TASP1: variants seen among roughly 807,000 people sequenced by gnomAD.
TASP1 encodes the protein taspase 1.
A neutral mutation model predicts 56.6 loss-of-function variants in TASP1; 16 were observed. The ratio of observed to expected loss-of-function variants is 0.28; its 90% CI spans 0.19 to 0.43. The LOEUF is 0.43. Among genes scored for constraint, TASP1 ranks in the 20% least tolerant of loss-of-function variants. The probability of loss-of-function intolerance (pLI) is 1.00; values close to 1 mark genes in which losing one functional copy is unlikely to be tolerated. For synonymous variants in TASP1, 179 were observed against 184.2 expected (o/e 0.97, Z 0.23); for missense variants, 393 against 511.6 (o/e 0.77, Z 2.24).
chr20:13,122,294 A>G, the TASP1 span, among the ~76,000 whole-genome samples: 17 of 152,366 alleles, frequency 1.1e-4, no homozygotes, highest in African/African-American at 3.6e-4. Flanking sequence ...TTGGAGACCA[A>G]TGTGACTCAA....
At chr20:13,130,303 C>T in the TASP1 span, among the ~76,000 whole-genome samples, 1 of 152,186 alleles carries the variant, frequency 6.6e-6, no homozygotes, top group Non-Finnish European at 1.5e-5. Context: ...CAAGAGCTGC[C>T]TTACAGGATC....
the TASP1 span, among the ~76,000 whole-genome samples, chr20:13,350,375 A>T: frequency 6.6e-6 from 1 of 152,230 alleles, no homozygotes. Flanking sequence ...TTTTGTACAC[A>T]TAGTAACACT....
At chr20:13,293,901 G>A in the TASP1 span, among the ~76,000 whole-genome samples, 1 of 151,956 alleles carries the variant, frequency 6.6e-6, no homozygotes, top group East Asian at 1.9e-4. Flanking sequence ...TGGAACCCAG[G>A]AGGTGGAGGT....
chr20:13,331,685 T>C, the TASP1 span, among the ~76,000 whole-genome samples: 1 of 151,314 alleles, frequency 6.6e-6, no homozygotes, highest in Non-Finnish European at 1.5e-5. Flanking sequence ...TTTTTTTTTT[T>C]TTTCTGTCAC....
At chr20:13,184,670 T>G in the TASP1 span, among the ~76,000 whole-genome samples, 2 of 152,228 alleles carry the variant, frequency 1.3e-5, no homozygotes, top group Non-Finnish European at 2.9e-5. Flanking sequence ...TGTGACATGC[T>G]TTGGCCAATA....
chr20:13,558,342 GAATAC>G (rs2046232293), intron 8 of TASP1, among the ~76,000 whole-genome samples: 1 of 152,002 alleles, frequency 6.6e-6, no homozygotes, highest in Non-Finnish European at 1.5e-5. Context: ...AAAAACGCCT[GAATAC>G]AATATGTATA....
At chr20:13,221,339 C>G in the TASP1 span, among the ~76,000 whole-genome samples, 2 of 148,246 alleles carry the variant, frequency 1.3e-5, no homozygotes, top group Non-Finnish European at 3.0e-5. Context: ...GCGGCCACAT[C>G]TGGGGCGCCC....
At chr20:13,517,758 G>C (rs1367447616) in intron 10 of TASP1, among the ~76,000 whole-genome samples, 6 of 152,004 alleles carry the variant, frequency 3.9e-5, no homozygotes, top group Admixed American at 6.6e-5. Context: ...GCATAATTCA[G>C]AATTCTACAT....
intron 10 of TASP1, among the ~76,000 whole-genome samples, chr20:13,527,633 C>T (rs139413236): frequency 4.7e-4 from 72 of 152,076 alleles, no homozygotes; most frequent in African/African-American, 1.4e-3. Flanking sequence ...CACACACATA[C>T]GCACACACAC....
chr20:13,328,775 G>A, the TASP1 span, among the ~76,000 whole-genome samples: 1 of 143,756 alleles, frequency 7.0e-6, no homozygotes, highest in African/African-American at 2.6e-5. Context: ...TGGTCACATT[G>A]TGGGGAACAA....
the TASP1 span, among the ~76,000 whole-genome samples, chr20:13,155,623 G>T: frequency 6.6e-6 from 1 of 152,044 alleles, no homozygotes; most frequent in Non-Finnish European, 1.5e-5. Flanking sequence ...TCAGGAGATC[G>T]AAACCATCCT....
intron 4 of TASP1, among the ~76,000 whole-genome samples, chr20:13,597,819 G>A (rs1478225725): frequency 6.6e-6 from 1 of 152,166 alleles, no homozygotes; most frequent in Non-Finnish European, 1.5e-5. Context: ...ACGCTGATAA[G>A]CAACTTCAGC....
At chr20:13,129,399 A>C in the TASP1 span, among the ~76,000 whole-genome samples, 3 of 152,248 alleles carry the variant, frequency 2.0e-5, no homozygotes, top group Admixed American at 1.3e-4. Flanking sequence ...TTCTGGAACT[A>C]CTGGCTTCCC....
chr20:13,218,970 C>T, the TASP1 span, among the ~76,000 whole-genome samples: 7 of 152,338 alleles, frequency 4.6e-5, no homozygotes, highest in Admixed American at 2.0e-4. Flanking sequence ...ATCTCCAAAT[C>T]TCCATTTACA....
chr20:13,214,997 T>C, the TASP1 span, among the ~76,000 whole-genome samples: 1 of 152,218 alleles, frequency 6.6e-6, no homozygotes, highest in Admixed American at 6.5e-5. Flanking sequence ...TTTCAGGTAA[T>C]TGGCTTCTGG....
chr20:13,222,248 A>G, the TASP1 span, among the ~76,000 whole-genome samples: 3 of 152,046 alleles, frequency 2.0e-5, no homozygotes, highest in Non-Finnish European at 4.4e-5. Flanking sequence ...TGGGGGTGCT[A>G]CCAGTCTTTC....
intron 12 of TASP1, among the ~76,000 whole-genome samples, chr20:13,424,774 G>A (rs1330472172): frequency 6.6e-6 from 1 of 152,036 alleles, no homozygotes; most frequent in Admixed American, 6.5e-5. Flanking sequence ...GGCTTTGTGG[G>A]ACTTCTAGAA....
intron 8 of TASP1, among the ~76,000 whole-genome samples, chr20:13,550,232 TCAG>T (rs1258167313): frequency 6.7e-6 from 1 of 148,190 alleles, no homozygotes; most frequent in Non-Finnish European, 1.5e-5. Context: ...AGTTTTAGAC[TCAG>T]ATATTGATGA....
intron 11 of TASP1, among the ~76,000 whole-genome samples, chr20:13,478,387 G>C (rs149171072): frequency 6.6e-6 from 1 of 150,928 alleles, no homozygotes; most frequent in African/African-American, 2.4e-5. Context: ...ATACTATTCA[G>C]CCACAAAAAA....
Sources: gnomAD v4.1 joint callset for allele counts (sites outside exome capture counted in the v4.1 genomes callset) on GRCh38, gnomAD v4.1.1 for gene constraint, MANE v1.5 for transcripts, NCBI Gene and HGNC (gene_info 2026-07-23, HGNC 2026-07-21) for gene names.